The following KSR1 variants were observed in gnomAD, a reference collection of about 807,000 sequenced individuals.
KSR1 encodes the protein kinase suppressor of ras 1.
In KSR1, 35 loss-of-function variants were observed where a neutral mutation model predicts 92.9. The observed-to-expected ratio is 0.38, with a 90% CI of 0.29 to 0.50. KSR1 has a LOEUF of 0.50. KSR1 is among the 20% of genes least tolerant of loss of function. KSR1 has a pLI of 0.94. For missense variants in KSR1, 972 were observed against 1,158.5 expected (o/e 0.84, Z 2.34); for synonymous variants, 467 against 472.6 (o/e 0.99, Z 0.15).
rs985540426 is a variant in KSR1, at chr17:27,577,931, G to A, written c.520+292G>A. 26 of 531,382 alleles carry A rather than the reference G, an allele frequency of 4.9e-5. No individual in the cohort carries two copies. The African/African-American group carries it at 5.0e-4, about 10-fold the overall frequency. 32.9% of individuals were successfully genotyped at this position (531,382 alleles called of 1,614,324 possible). On this transcript the variant is annotated intron_variant, in intron 3 of 20. Coordinates refer to ENST00000644974, the MANE Select transcript of KSR1 (RefSeq NM_001394583.1). The surrounding 1 kb of genome is among the most constrained non-coding windows in gnomAD (Gnocchi z 4.5). ...TGGCATGGTTTCCTCTCTGTTGAGG[G>A]CTCTGTGTACCCTCTGCCAGCTTCC...
At chr17:27,490,866 G>A (rs1406315995) in intron 1 of KSR1, among the ~76,000 whole-genome samples, 1 of 152,160 alleles carries the variant, frequency 6.6e-6, no homozygotes, top group Non-Finnish European at 1.5e-5. Context: ...TGTGTAAAGG[G>A]TTAGAGACAC....
chr17:27,581,112 G>C (rs766024675), intron 3 of KSR1, among the ~76,000 whole-genome samples: 2 of 152,164 alleles, frequency 1.3e-5, no homozygotes, highest in African/African-American at 4.8e-5. Context: ...CATCGGGAAG[G>C]CTCCAGGCAT....
intron 11 of KSR1, among the ~76,000 whole-genome samples, chr17:27,602,557 C>G (rs904735803): frequency 6.6e-6 from 1 of 152,248 alleles, no homozygotes; most frequent in Non-Finnish European, 1.5e-5. Context: ...AACTTTTAAG[C>G]AAAAGCATGA....
intron 4 of KSR1, 118 bp from the exon 5 acceptor site, chr17:27,585,539 A>G: frequency 1.4e-6 from 1 of 713,312 alleles, no homozygotes; most frequent in South Asian, 1.5e-5. Flanking sequence ...GCCTCAAGCC[A>G]GGCCTCAGAG....
intron 1 of KSR1, among the ~76,000 whole-genome samples, chr17:27,528,909 GA>G (rs201962458): frequency 6.7e-5 from 10 of 149,672 alleles, no homozygotes; most frequent in Non-Finnish European, 1.2e-4. Context: ...GTCTCTACTG[GA>G]AAAAAAAACC....
chr17:27,548,603 G>A (rs539093216), intron 1 of KSR1, among the ~76,000 whole-genome samples: 1 of 150,714 alleles, frequency 6.6e-6, no homozygotes, highest in Non-Finnish European at 1.5e-5. Flanking sequence ...GCAGAAGTGG[G>A]CAGATCATCT....
chr17:27,617,276 A>G lies in KSR1; in HGVS notation c.2494-19A>G, dbSNP rs779524733. 5.6e-6 allele frequency: 9 copies of G among 1,598,908 alleles called. No individual in the cohort carries two copies. Among genetic ancestry groups the G allele is most frequent in the Non-Finnish European group, 6.8e-6 (8 of 1,169,450 alleles). On this transcript the variant is annotated intron_variant, in intron 18 of 20. Transcript: ENST00000644974. ...CTCCCAGCCAGCTCACACACCACTA[A>G]TGGCAGCTCCATTTGCAGGAGATCC...
intron 1 of KSR1, among the ~76,000 whole-genome samples, chr17:27,509,480 G>T (rs1029323381): frequency 1.3e-5 from 2 of 151,790 alleles, no homozygotes; most frequent in Non-Finnish European, 2.9e-5. Context: ...TAGGAGAGAC[G>T]GGGTTTCACC....
chr17:27,533,851 G>A (rs1346177460), intron 1 of KSR1, among the ~76,000 whole-genome samples: 1 of 152,172 alleles, frequency 6.6e-6, no homozygotes, highest in South Asian at 2.1e-4. Flanking sequence ...CTTCAATAAG[G>A]GTGGTCAGTT....
chr17:27,542,669 C>T (rs1417888141), intron 1 of KSR1, among the ~76,000 whole-genome samples: 3 of 152,166 alleles, frequency 2.0e-5, no homozygotes, highest in Non-Finnish European at 2.9e-5. Context: ...ATAATCCAAA[C>T]GGCACCTGCC....
At chr17:27,567,101 G>A (rs1457496249) in intron 2 of KSR1, among the ~76,000 whole-genome samples, 2 of 152,152 alleles carry the variant, frequency 1.3e-5, no homozygotes, top group African/African-American at 4.8e-5. Context: ...AAGCAGTTGT[G>A]CCTAGGCTAC....
chr17:27,481,731 G>A (rs1217913990), intron 1 of KSR1, among the ~76,000 whole-genome samples: 2 of 152,164 alleles, frequency 1.3e-5, no homozygotes, highest in Non-Finnish European at 2.9e-5. Flanking sequence ...ATTGTAGAGT[G>A]GTGAAGTCTG....
At chr17:27,598,124 C>G (rs1315391134) in intron 10 of KSR1, among the ~76,000 whole-genome samples, 1 of 152,186 alleles carries the variant, frequency 6.6e-6, no homozygotes, top group East Asian at 1.9e-4. Context: ...TCTGCCTCTC[C>G]AAGCAGCAGA....
At chr17:27,563,649 C>T (rs551408585) in intron 2 of KSR1, among the ~76,000 whole-genome samples, 29 of 152,212 alleles carry the variant, frequency 1.9e-4, no homozygotes, top group Admixed American at 5.9e-4. Context: ...CTTAAGTATT[C>T]AGTATCTGCC....
intron 1 of KSR1, among the ~76,000 whole-genome samples, chr17:27,481,655 C>T (rs992143423): frequency 6.6e-6 from 1 of 152,142 alleles, no homozygotes; most frequent in African/African-American, 2.4e-5. Context: ...ATCTCCATGC[C>T]ATGGAAACTC....
In KSR1 at chr17:27,588,458, G is replaced by A. The variant is rs368712795; in HGVS notation, c.986-17G>A. The stretch of plus-strand genomic sequence containing the variant: ...GCGGAGTTCCTCAGCCTGCCCATCC[G>A]GCCTCTTTCCCTGCAGATCTCTCGC... On this transcript the variant is annotated splice_polypyrimidine_tract_variant and intron_variant, in intron 5 of 20. Transcript: ENST00000644974. 98 of 1,564,662 alleles carry A rather than the reference G, an allele frequency of 6.3e-5. No individual in the cohort carries two copies. The highest frequency in any genetic ancestry group is 7.9e-5 in the Non-Finnish European group (91 of 1,154,708).
At chr17:27,594,344 C>T (rs989383934) in intron 9 of KSR1, among the ~76,000 whole-genome samples, 20 of 152,068 alleles carry the variant, frequency 1.3e-4, no homozygotes, top group African/African-American at 4.8e-4. Context: ...GCCCCCTGCC[C>T]CCATTGCCAA....
At chr17:27,510,880 CAG>C (rs1308361873) in intron 1 of KSR1, among the ~76,000 whole-genome samples, 1 of 152,204 alleles carries the variant, frequency 6.6e-6, no homozygotes, top group African/African-American at 2.4e-5. Context: ...CCTTCTGAGC[CAG>C]AGTTATCTTG....
intron 1 of KSR1, among the ~76,000 whole-genome samples, chr17:27,523,694 A>G (rs544081089): frequency 1.3e-5 from 2 of 152,344 alleles, no homozygotes; most frequent in African/African-American, 2.4e-5. Flanking sequence ...GGGTCCACAA[A>G]GTCATTAGGA....
Sources: gnomAD v4.1 joint callset for allele counts (sites outside exome capture counted in the v4.1 genomes callset) on GRCh38, gnomAD v4.1.1 for gene constraint, Gnocchi (gnomAD v3.1) non-coding constraint, MANE v1.5 for transcripts, NCBI Gene and HGNC (gene_info 2026-07-23, HGNC 2026-07-21) for gene names.